The following MAML2 variants were observed in gnomAD, a reference collection of about 807,000 sequenced individuals.
MAML2 encodes the protein mastermind like transcriptional coactivator 2, also known as mastermind-like protein 2.
In MAML2, 22 loss-of-function variants were observed where a neutral mutation model predicts 96.1. That is an observed-to-expected ratio of 0.23 (90% confidence interval 0.16 to 0.33). The LOEUF is 0.33. Among genes scored for constraint, MAML2 ranks in the 10% least tolerant of loss-of-function variants. The pLI is 1.00. For synonymous variants in MAML2, 561 were observed against 521.3 expected (o/e 1.08, Z -1.04); for missense variants, 1,367 against 1,392.4 (o/e 0.98, Z 0.29).
chr11:96,031,742 T>G (rs1049000646), intron 2 of MAML2, among the ~76,000 whole-genome samples: 1 of 152,134 alleles, frequency 6.6e-6, no homozygotes, highest in Non-Finnish European at 1.5e-5. Flanking sequence ...TCCCAGCACT[T>G]TGGGAGGCTG....
chr11:96,011,750 G>T (rs1858270193), intron 2 of MAML2, among the ~76,000 whole-genome samples: 1 of 152,196 alleles, frequency 6.6e-6, no homozygotes, highest in Non-Finnish European at 1.5e-5. Context: ...TTATATAAAA[G>T]TCTGCAAGCT....
intron 1 of MAML2, among the ~76,000 whole-genome samples, chr11:96,240,557 CAAAAAAAAAAAAAA>C (rs55659413): frequency 2.0e-5 from 1 of 51,090 alleles, no homozygotes; most frequent in African/African-American, 6.1e-5. Context: ...GACTCCGTCT[CAAAAAAAAAAAAAA>C]AAAAAAAAAA....
chr11:96,301,462 G>C (rs891329307), intron 1 of MAML2, among the ~76,000 whole-genome samples: 1 of 152,100 alleles, frequency 6.6e-6, no homozygotes, highest in African/African-American at 2.4e-5. Context: ...CACTGCGTAG[G>C]CCAGGCCAAT....
chr11:96,229,593 C>T lies in MAML2; in HGVS notation c.513+111790G>A, dbSNP rs187149823. Among the ~76,000 whole-genome samples the T allele has an allele frequency of 2.0e-5, 3 of 147,840 alleles. No individual in the cohort carries two copies. In the Admixed American group the frequency reaches 2.0e-4, roughly 10 times the overall value. ...ACAGAAATATAATCACATGATCTCC[C>T]CAGAAGCTACCATGGTGCCTTGACT... is the stretch of plus-strand genomic sequence containing the variant. On this transcript the variant is annotated intron_variant, in intron 1 of 4. Coordinates refer to ENST00000524717, the MANE Select transcript of MAML2 (RefSeq NM_032427.4).
intron 1 of MAML2, among the ~76,000 whole-genome samples, chr11:96,280,446 T>C (rs1263362266): frequency 6.6e-6 from 1 of 152,224 alleles, no homozygotes; most frequent in African/African-American, 2.4e-5. Flanking sequence ...CTGTACAATG[T>C]CAAATTCATT....
chr11:96,081,364 A>T (rs1194315530), intron 2 of MAML2, among the ~76,000 whole-genome samples: 1 of 151,894 alleles, frequency 6.6e-6, no homozygotes, highest in East Asian at 1.9e-4. Context: ...CAGAAACATC[A>T]AAGTCAACAG....
chr11:96,142,081 A>G (rs1411704787), intron 1 of MAML2, among the ~76,000 whole-genome samples: 2 of 152,360 alleles, frequency 1.3e-5, no homozygotes, highest in African/African-American at 2.4e-5. Flanking sequence ...GGTGCTCACA[A>G]TCTAGTGCAG....
intron 2 of MAML2, among the ~76,000 whole-genome samples, chr11:96,042,895 C>T (rs1034971414): frequency 2.0e-5 from 3 of 152,058 alleles, no homozygotes; most frequent in Middle Eastern, 3.2e-3. Flanking sequence ...CAGGCATGTA[C>T]CACCACACCC....
chr11:96,275,071 T>C (rs1242778109), intron 1 of MAML2, among the ~76,000 whole-genome samples: 1 of 152,106 alleles, frequency 6.6e-6, no homozygotes, highest in African/African-American at 2.4e-5. Context: ...ATTGTATAGA[T>C]GTATCATAAT....
chr11:96,300,149 G>A (rs1863366673), intron 1 of MAML2, among the ~76,000 whole-genome samples: 1 of 152,150 alleles, frequency 6.6e-6, no homozygotes, highest in Admixed American at 6.5e-5. Flanking sequence ...GTAGACAGTT[G>A]GAGTTGATGA....
chr11:96,315,069 A>C (rs1035047040), intron 1 of MAML2, among the ~76,000 whole-genome samples: 4 of 152,228 alleles, frequency 2.6e-5, no homozygotes, highest in African/African-American at 9.6e-5. Context: ...TGAGTTTCCT[A>C]ATCTGATTTC....
At chr11:96,067,899 A>G (rs527375408) in intron 2 of MAML2, among the ~76,000 whole-genome samples, 1 of 152,298 alleles carries the variant, frequency 6.6e-6, no homozygotes, top group East Asian at 1.9e-4. Flanking sequence ...CTTTGTACAG[A>G]ATTCTAACAT....
At chr11:96,314,119 A>G (rs1434293812) in intron 1 of MAML2, among the ~76,000 whole-genome samples, 1 of 152,226 alleles carries the variant, frequency 6.6e-6, no homozygotes, top group African/African-American at 2.4e-5. Context: ...AGCATTTTTC[A>G]AGAAAGGGAA....
intron 1 of MAML2, among the ~76,000 whole-genome samples, chr11:96,208,166 C>T (rs746945180): frequency 9.7e-4 from 147 of 152,206 alleles, no homozygotes; most frequent in Non-Finnish European, 1.7e-3. Flanking sequence ...TACTATGTCC[C>T]CTCCCAAACT....
chr11:96,111,683 G>T (rs1451253627), intron 1 of MAML2, among the ~76,000 whole-genome samples: 2 of 152,216 alleles, frequency 1.3e-5, no homozygotes, highest in African/African-American at 4.8e-5. Context: ...CAGTGACATT[G>T]TCCCACATGT....
At chr11:96,245,727 C>A in intron 1 of MAML2, among the ~76,000 whole-genome samples, 1 of 131,182 alleles carries the variant, frequency 7.6e-6, no homozygotes, top group South Asian at 2.4e-4. Context: ...TTTTTTTAGA[C>A]AGAGTCTCAC....
intron 2 of MAML2, among the ~76,000 whole-genome samples, chr11:96,053,469 CT>C (rs1481415888): frequency 2.0e-5 from 3 of 152,324 alleles, no homozygotes; most frequent in African/African-American, 7.2e-5. Flanking sequence ...GGAAGTTGGT[CT>C]TTGTGGCAGA....
At chr11:96,049,778 A>G (rs1858961983) in intron 2 of MAML2, among the ~76,000 whole-genome samples, 1 of 152,200 alleles carries the variant, frequency 6.6e-6, no homozygotes, top group African/African-American at 2.4e-5. Context: ...TGGAGTACTT[A>G]ATCCTTTTAC....
At chr11:96,139,184 C>T (rs1201416245) in intron 1 of MAML2, among the ~76,000 whole-genome samples, 1 of 152,260 alleles carries the variant, frequency 6.6e-6, no homozygotes, top group Non-Finnish European at 1.5e-5. Context: ...AGGCCTATCA[C>T]TCACCACTGA....
Sources: gnomAD v4.1 joint callset for allele counts (sites outside exome capture counted in the v4.1 genomes callset) on GRCh38, gnomAD v4.1.1 for gene constraint, MANE v1.5 for transcripts, NCBI Gene and HGNC (gene_info 2026-07-23, HGNC 2026-07-21) for gene names.